Variants in ZNF804A observed in about 807,000 individuals in gnomAD.
ZNF804A encodes the protein zinc finger protein 804A.
Under a neutral mutation model 16.5 loss-of-function variants are expected in ZNF804A, and 2 were observed. The observed-to-expected ratio is 0.12, with a 90% CI of 0.05 to 0.38. ZNF804A has a LOEUF of 0.38. Among genes scored for constraint, ZNF804A ranks in the 10% least tolerant of loss-of-function variants. The pLI is 0.99. For missense variants in ZNF804A, 1,473 were observed against 1,390.7 expected, an observed-to-expected ratio of 1.06 and a Z score of -0.94; for synonymous variants, 534 against 489.6, an observed-to-expected ratio of 1.09 and a Z score of -1.20.
chr2:184,638,510 G>C (rs931667598), intron 1 of ZNF804A, among the ~76,000 whole-genome samples: 3 of 152,000 alleles, frequency 2.0e-5, no homozygotes, highest in African/African-American at 7.2e-5. Flanking sequence ...TTTATGGGTG[G>C]TATTCTTTAG....
Position 184,938,916 on chromosome 2 carries a change from G to A in ZNF804A, c.3520G>A (p.Ala1174Thr). The A allele has an allele frequency of 1.2e-6, 2 of 1,613,886 alleles. No homozygotes were observed. The highest frequency in any genetic ancestry group is 1.7e-6 in the Non-Finnish European group (2 of 1,179,968). Residue 1174 changes from alanine (A) to threonine (T), a missense_variant, in exon 4 of 4, where the codon GCT becomes ACT. Transcript: ENST00000302277. ...VAPPQMPIIPASVLHPSHLAF... is the reference protein window; with the variant it reads ...VAPPQMPIIPTSVLHPSHLAF... ...TCCTCCTCAGATGCCAATCATTCCA[G>A]CTTCCGTTCTTCATCCTAGCCATCT...
intron 1 of ZNF804A, among the ~76,000 whole-genome samples, chr2:184,655,990 T>C (rs1463432485): frequency 6.6e-6 from 1 of 152,178 alleles, no homozygotes; most frequent in Non-Finnish European, 1.5e-5. Flanking sequence ...TATTAATCTA[T>C]TTAAATTCTA....
At chr2:184,737,050 T>A (rs1327249709) in intron 1 of ZNF804A, among the ~76,000 whole-genome samples, 1 of 151,064 alleles carries the variant, frequency 6.6e-6, no homozygotes, top group Non-Finnish European at 1.5e-5. Context: ...ACTACTTTTT[T>A]TTGTTTGTTT....
intron 1 of ZNF804A, among the ~76,000 whole-genome samples, chr2:184,771,909 C>A (rs1056849804): frequency 6.6e-6 from 1 of 151,968 alleles, no homozygotes; most frequent in Non-Finnish European, 1.5e-5. Context: ...TTATGAGAGT[C>A]GTATCCTATC....
intron 2 of ZNF804A, among the ~76,000 whole-genome samples, chr2:184,892,505 T>TTTTTTTG (rs1553486537): frequency 1.4e-5 from 2 of 145,016 alleles, no homozygotes; most frequent in African/African-American, 2.6e-5. Context: ...TTTTTTTTTT[T>TTTTTTTG]ATGGAGTCTT....
In ZNF804A at chr2:184,772,954, TACATATAC is replaced by T. The variant is rs565092387; in HGVS notation, c.112-93413_112-93406del. On this transcript the variant is annotated intron_variant, in intron 1 of 3. Transcript: ENST00000302277. Reference sequence around the variant, plus strand: ...ACACATATATATACATATACATATATACATATACATATATATGTATATATATATGTGTG... The same window carrying T: ...ACACATATATATACATATACATATATATATATATGTATATATATATGTGTG... Among the ~76,000 whole-genome samples, 369 of 138,210 alleles carry T rather than the reference TACATATAC, an allele frequency of 2.7e-3. 2 individuals carry two copies. The highest frequency in any genetic ancestry group is 0.011 in the African/African-American group (351 of 32,770). The allele number at this position is 138,210 out of a possible 152,430, so 90.7% of individuals were successfully genotyped here.
At chr2:184,735,442 G>T (rs1010623649) in intron 1 of ZNF804A, among the ~76,000 whole-genome samples, 1 of 152,042 alleles carries the variant, frequency 6.6e-6, no homozygotes, top group Non-Finnish European at 1.5e-5. Context: ...GGGCCTGTTT[G>T]GGGGTGGGGT....
intron 1 of ZNF804A, among the ~76,000 whole-genome samples, chr2:184,815,832 G>A (rs1574225345): frequency 1.3e-5 from 2 of 151,928 alleles, no homozygotes; most frequent in Admixed American, 6.6e-5. Context: ...ATCAAGATGA[G>A]GAAATGATAT....
intron 1 of ZNF804A, among the ~76,000 whole-genome samples, chr2:184,630,931 A>G (rs74983232): frequency 0.018 from 2,695 of 152,274 alleles, 58 homozygotes; most frequent in African/African-American, 0.061. Flanking sequence ...GAAGTATTTT[A>G]TGGTATTCTT....
chr2:184,636,301 T>A (rs371800741), intron 1 of ZNF804A, among the ~76,000 whole-genome samples: 1 of 142,540 alleles, frequency 7.0e-6, no homozygotes, highest in African/African-American at 2.7e-5. Context: ...TTTTCTTGTT[T>A]TCTTTTGTGT....
intron 2 of ZNF804A, among the ~76,000 whole-genome samples, chr2:184,886,017 G>A (rs780534561): frequency 6.6e-6 from 1 of 152,100 alleles, no homozygotes; most frequent in African/African-American, 2.4e-5. Context: ...AATTATGCCA[G>A]AAGTCCACAG....
chr2:184,698,141 A>G (rs375559880), intron 1 of ZNF804A, among the ~76,000 whole-genome samples: 1 of 152,054 alleles, frequency 6.6e-6, no homozygotes, highest in African/African-American at 2.4e-5. Context: ...CAAAATGGGG[A>G]CTGGCACCTA....
Position 184,936,086 on chromosome 2 carries a change from T to A in ZNF804A, c.690T>A (p.Ala230=), listed in dbSNP as rs776568369. ...KKASVKLESS[A]AAFSEYSDDA... ...CGTCCGTGAAGCTAGAGTCCTCAGC[T>A]GCAGCCTTCTCTGAATACAGTGATG... Residue 230 remains alanine (A), a synonymous_variant, in exon 4 of 4, where the codon GCT becomes GCA. Coordinates refer to ENST00000302277, the MANE Select transcript of ZNF804A (RefSeq NM_194250.2). 3.1e-6 allele frequency: 5 copies of A among 1,614,060 alleles called. No individual in the cohort carries two copies. In the Admixed American group the frequency reaches 6.7e-5, roughly 22 times the overall value.
At chr2:184,783,317 C>G (rs1694401591) in intron 1 of ZNF804A, among the ~76,000 whole-genome samples, 2 of 150,674 alleles carry the variant, frequency 1.3e-5, no homozygotes, top group East Asian at 1.9e-4. Context: ...TCAGAAGCTT[C>G]CAAGTTTTTA....
At chr2:184,690,821 T>C (rs1334016193) in intron 1 of ZNF804A, among the ~76,000 whole-genome samples, 1 of 152,062 alleles carries the variant, frequency 6.6e-6, no homozygotes, top group East Asian at 1.9e-4. Context: ...ATATCACTCT[T>C]GTATTCTGTT....
At chr2:184,834,428 C>A (rs1040466097) in intron 1 of ZNF804A, among the ~76,000 whole-genome samples, 2 of 152,086 alleles carry the variant, frequency 1.3e-5, no homozygotes, top group African/African-American at 4.8e-5. Flanking sequence ...TGACATAGGA[C>A]TGAAAATCTG....
chr2:184,725,568 G>A (rs969412753), intron 1 of ZNF804A, among the ~76,000 whole-genome samples: 8 of 151,424 alleles, frequency 5.3e-5, no homozygotes, highest in African/African-American at 1.7e-4. Flanking sequence ...AGTACTGAGA[G>A]GTCCTGTATA....
intron 1 of ZNF804A, among the ~76,000 whole-genome samples, chr2:184,864,208 G>T (rs1198996665): frequency 6.6e-6 from 1 of 152,112 alleles, no homozygotes; most frequent in African/African-American, 2.4e-5. Flanking sequence ...AGGGGAAGGG[G>T]AGCTGGTGGG....
chr2:184,732,195 G>A lies in ZNF804A; in HGVS notation c.111+133125G>A, dbSNP rs370488980. ...TTATAGTTTTGTGTTTCATATTTAG[G>A]TCTGGACTCTATTTGATTTAATTTT... On this transcript the variant is annotated intron_variant, in intron 1 of 3. Coordinates refer to ENST00000302277, the MANE Select transcript of ZNF804A (RefSeq NM_194250.2). Among the ~76,000 whole-genome samples the A allele has an allele frequency of 1.5e-4, 22 of 150,648 alleles. No homozygotes were observed. The East Asian group carries it at 1.6e-3, about 11-fold the overall frequency.
Sources: gnomAD v4.1 joint callset for allele counts (sites outside exome capture counted in the v4.1 genomes callset) on GRCh38, gnomAD v4.1.1 for gene constraint, MANE v1.5 for transcripts, NCBI Gene and HGNC (gene_info 2026-07-23, HGNC 2026-07-21) for gene names.